Variants in STAG1 observed in about 807,000 individuals in gnomAD.
The protein encoded by STAG1 is STAG1 cohesin complex component.
Under a neutral mutation model 170.9 loss-of-function variants are expected in STAG1, and 26 were observed. The ratio of observed to expected loss-of-function variants is 0.15; its 90% CI spans 0.11 to 0.21. STAG1 has a LOEUF of 0.21. Among genes scored for constraint, STAG1 ranks in the 10% least tolerant of loss-of-function variants. STAG1 has a pLI of 1.00. For missense variants in STAG1, 964 were observed against 1,509.5 expected (o/e 0.64, Z 5.99); for synonymous variants, 514 against 497.7 (o/e 1.03, Z -0.44).
chr3:136,406,376 C>T (rs2107704756), intron 21 of STAG1, among the ~76,000 whole-genome samples: 1 of 152,256 alleles, frequency 6.6e-6, no homozygotes, highest in South Asian at 2.1e-4. Context: ...AAACAAATCA[C>T]TGATGTCCAG....
chr3:136,419,583 T>A (rs1286185939), intron 20 of STAG1, among the ~76,000 whole-genome samples: 1 of 151,482 alleles, frequency 6.6e-6, no homozygotes, highest in African/African-American at 2.4e-5. Flanking sequence ...TAGCTGGGAA[T>A]ACAGGCGTGT....
Position 136,336,767 on chromosome 3 carries a change from T to G in STAG1, c.*1487A>C, listed in dbSNP as rs190123670. On this transcript the variant is annotated 3_prime_UTR_variant, in exon 34 of 34. Transcript: ENST00000383202. ...GTCTTTACTAAAAGGATGAATAAAA[T>G]CATCCATCATCATCTTGCTTTCCCG... is the stretch of plus-strand genomic sequence containing the variant. The G allele has an allele frequency of 6.6e-6, 1 of 152,244 alleles. No individual in the cohort carries two copies. The highest frequency in any genetic ancestry group is 1.5e-5 in the Non-Finnish European group (1 of 68,034). The allele number at this position is 152,244 out of a possible 1,614,324, so 9.4% of individuals were successfully genotyped here.
intron 10 of STAG1, among the ~76,000 whole-genome samples, chr3:136,473,938 A>G (rs1345514899): frequency 1.3e-5 from 2 of 152,188 alleles, no homozygotes; most frequent in Admixed American, 1.3e-4. Flanking sequence ...AGAATTTTAA[A>G]CCTATAATTA....
intron 9 of STAG1, among the ~76,000 whole-genome samples, chr3:136,489,750 A>C (rs1420333087): frequency 2.0e-5 from 3 of 152,238 alleles, no homozygotes; most frequent in African/African-American, 7.2e-5. Context: ...GAAAAGTCAT[A>C]CTGTATCCTT....
chr3:136,744,292 A>C (rs997979614), intron 1 of STAG1, among the ~76,000 whole-genome samples: 26 of 152,316 alleles, frequency 1.7e-4, no homozygotes, highest in African/African-American at 6.0e-4. Flanking sequence ...GCACCATTGC[A>C]CTCCAGCCTG....
At chr3:136,631,514 G>A (rs1336838569) in intron 1 of STAG1, among the ~76,000 whole-genome samples, 5 of 152,166 alleles carry the variant, frequency 3.3e-5, no homozygotes, top group Admixed American at 6.5e-5. Flanking sequence ...AAAACAGCAA[G>A]ACACCAACAG....
At chr3:136,340,106 T>A (rs1413081819) in intron 32 of STAG1, among the ~76,000 whole-genome samples, 2 of 152,184 alleles carry the variant, frequency 1.3e-5, no homozygotes, top group African/African-American at 2.4e-5. Context: ...CAGTGTCACC[T>A]CCTCCTCACC....
At chr3:136,653,703 C>T (rs995844757) in intron 1 of STAG1, among the ~76,000 whole-genome samples, 1 of 152,178 alleles carries the variant, frequency 6.6e-6, no homozygotes. Flanking sequence ...GTCCAGAGTA[C>T]ATGCTCTTAA....
At chr3:136,438,240 CTTTTTTTT>C (rs371190637) in intron 15 of STAG1, among the ~76,000 whole-genome samples, 1 of 128,210 alleles carries the variant, frequency 7.8e-6, no homozygotes, top group African/African-American at 2.8e-5. Flanking sequence ...AGTTTCTTTT[CTTTTTTTT>C]TTTTTTTTTG....
chr3:136,700,855 T>A (rs371823780), intron 1 of STAG1, among the ~76,000 whole-genome samples: 1 of 150,640 alleles, frequency 6.6e-6, no homozygotes. Flanking sequence ...AACATAAATG[T>A]GTGTGTGCTC....
At chr3:136,469,811 A>T (rs886862146) in intron 12 of STAG1, among the ~76,000 whole-genome samples, 1 of 152,188 alleles carries the variant, frequency 6.6e-6, no homozygotes, top group African/African-American at 2.4e-5. Flanking sequence ...AACAGAACAG[A>T]GCCCTCACAA....
chr3:136,593,730 TTA>T (rs1223164070), intron 4 of STAG1, among the ~76,000 whole-genome samples: 2 of 152,228 alleles, frequency 1.3e-5, no homozygotes, highest in Non-Finnish European at 2.9e-5. Flanking sequence ...GTTTAGAATA[TTA>T]TATGATTTTA....
chr3:136,422,310 A>T lies in STAG1; in HGVS notation c.2037+100T>A, dbSNP rs2087982693. 8.9e-6 allele frequency: 10 copies of T among 1,125,966 alleles called. No homozygotes were observed. In the South Asian group the frequency reaches 1.2e-4, roughly 14 times the overall value. 69.7% of individuals were successfully genotyped at this position (1,125,966 alleles called of 1,614,324 possible). A position where few individuals can be genotyped will look rare whatever the true frequency, so the allele number is the denominator to read the frequency against. On this transcript the variant is annotated intron_variant, in intron 19 of 33. Coordinates refer to ENST00000383202, the MANE Select transcript of STAG1 (RefSeq NM_005862.3). ...AGTTTTGGAAGGGGCAGACAATTCT[A>T]CTCAATTTCATTTTAAAATGAAAAT...
chr3:136,710,791 A>T (rs1361536903), intron 1 of STAG1, among the ~76,000 whole-genome samples: 1 of 152,142 alleles, frequency 6.6e-6, no homozygotes. Flanking sequence ...CCCTACCAAA[A>T]AAAAAATGAA....
At chr3:136,523,574 G>A (rs1559857443) in intron 6 of STAG1, among the ~76,000 whole-genome samples, 1 of 152,108 alleles carries the variant, frequency 6.6e-6, no homozygotes, top group African/African-American at 2.4e-5. Context: ...AGTTTCTTTT[G>A]CTGTGCAGAA....
intron 9 of STAG1, among the ~76,000 whole-genome samples, chr3:136,486,700 T>C (rs2090019901): frequency 2.0e-5 from 3 of 152,118 alleles, no homozygotes; most frequent in South Asian, 4.1e-4. Flanking sequence ...ACTGCACATA[T>C]ACACAGTGAA....
chr3:136,585,012 TA>T (rs1241465695), intron 4 of STAG1, among the ~76,000 whole-genome samples: 1 of 152,228 alleles, frequency 6.6e-6, no homozygotes, highest in Admixed American at 6.5e-5. Flanking sequence ...AAATTTAGAT[TA>T]CTAATATCTG....
At chr3:136,485,052 T>A (rs548999400) in intron 9 of STAG1, among the ~76,000 whole-genome samples, 1 of 152,340 alleles carries the variant, frequency 6.6e-6, no homozygotes, top group East Asian at 1.9e-4. Flanking sequence ...TCGCTCACGC[T>A]GGGAGCTGTA....
chr3:136,445,126 T>C (rs941397587), intron 14 of STAG1, among the ~76,000 whole-genome samples: 4 of 151,516 alleles, frequency 2.6e-5, no homozygotes, highest in African/African-American at 7.3e-5. Flanking sequence ...CTGACACTAA[T>C]TCAGTACTTC....
Sources: allele counts gnomAD v4.1 joint callset (sites outside exome capture counted in the v4.1 genomes callset), GRCh38; gene constraint gnomAD v4.1.1; transcripts MANE v1.5; gene names NCBI Gene and HGNC (gene_info 2026-07-23, HGNC 2026-07-21).